The following CCM2L variants were observed in gnomAD, a reference collection of about 807,000 sequenced individuals.
CCM2L encodes the protein cerebral cavernous malformations 2 protein-like.
Under a neutral mutation model 54.1 loss-of-function variants are expected in CCM2L, and 36 were observed. The ratio of observed to expected loss-of-function variants is 0.67; its 90% confidence interval spans 0.51 to 0.88. The LOEUF (loss-of-function observed/expected upper bound fraction) is 0.88. Among genes scored for constraint, CCM2L ranks in the 40% least tolerant of loss-of-function variants. CCM2L has a pLI of 0.00. For synonymous variants in CCM2L, 351 were observed against 359.3 expected, an observed-to-expected ratio of 0.98 and a Z score of 0.26; for missense variants, 700 against 812.1, an observed-to-expected ratio of 0.86 and a Z score of 1.68.
chr20:32,027,433 A>G (rs1180738173), intron 7 of CCM2L, among the ~76,000 whole-genome samples: 1 of 152,242 alleles, frequency 6.6e-6, no homozygotes, highest in African/African-American at 2.4e-5. Flanking sequence ...TTATTTTTTC[A>G]TCAACATAGT....
intron 8 of CCM2L, 158 bp downstream of exon 8, chr20:32,029,282 T>C: frequency 1.0e-6 from 1 of 964,102 alleles, no homozygotes; most frequent in Non-Finnish European, 1.5e-6. Flanking sequence ...GGCCAGCTTG[T>C]GAAAGGCCTT....
At chr20:32,028,597 G>A in intron 7 of CCM2L, 1 of 214,864 alleles carries the variant, frequency 4.7e-6, no homozygotes, top group Non-Finnish European at 9.5e-6. Context: ...GCCATGGACT[G>A]AGGGAGCATG....
At position 32,011,271 on chromosome 20, in the gene CCM2L, G is replaced by A. The variant is rs142283242; in HGVS notation, c.30+787G>A. On this transcript the variant is annotated intron_variant, in intron 1 of 9. Coordinates refer to ENST00000452892, the MANE Select transcript of CCM2L (RefSeq NM_001365692.1). ...TTTATTGAGTGCCTATTATGCACCAGGTATTTCTTTTTTTAAAGCAATAAA... is the reference window on the plus strand; with the variant it reads ...TTTATTGAGTGCCTATTATGCACCAAGTATTTCTTTTTTTAAAGCAATAAA... 2.0e-5 allele frequency among the ~76,000 whole-genome samples: 3 copies of A among 152,268 alleles called. No homozygotes were observed. In the East Asian group the frequency reaches 5.8e-4, roughly 29 times the overall value.
chr20:32,021,586 G>T (rs1440819180), intron 5 of CCM2L, among the ~76,000 whole-genome samples: 1 of 152,124 alleles, frequency 6.6e-6, no homozygotes, highest in African/African-American at 2.4e-5. Flanking sequence ...AGCTCAGGAG[G>T]TTGAGGCTGC....
intron 7 of CCM2L, among the ~76,000 whole-genome samples, chr20:32,026,612 G>A (rs952024945): frequency 2.6e-5 from 4 of 152,104 alleles, no homozygotes; most frequent in African/African-American, 4.8e-5. Context: ...GCGGTGGCTC[G>A]CACCTGTAAT....
chr20:32,018,180 GGGGGCGGGGGA>G lies in CCM2L; in HGVS notation c.466+29_466+39del, dbSNP rs1404697174. Reference sequence around the variant, plus strand: ...CAAGACCGGTGCGGCGGGAGGGGGCGGGGGCGGGGGAGGGGCGGGGGCGGGGGCGGGGGAGG... The same window carrying G: ...CAAGACCGGTGCGGCGGGAGGGGGCGGGGGCGGGGGCGGGGGCGGGGGAGG... On this transcript the variant is annotated intron_variant, in intron 4 of 9. Transcript: ENST00000452892. 62 of 997,660 alleles carry G rather than the reference GGGGGCGGGGGA, an allele frequency of 6.2e-5. No homozygotes were observed. The African/African-American group carries it at 1.3e-3, about 20-fold the overall frequency. 61.8% of individuals were successfully genotyped at this position (997,660 alleles called of 1,614,324 possible).
rs1436669379 is a variant in CCM2L, at chr20:32,031,130, C to T, written c.1532C>T (p.Ser511Leu). 28 of 1,303,976 alleles carry T rather than the reference C, an allele frequency of 2.1e-5. No homozygotes were observed. The highest frequency in any genetic ancestry group is 2.7e-5 in the Non-Finnish European group (27 of 988,956). The allele number at this position is 1,303,976 out of a possible 1,614,324, so 80.8% of individuals were successfully genotyped here. Residue 511 changes from serine (S) to leucine (L), a missense_variant, in exon 10 of 10, where the codon TCG becomes TTG. Physicochemically the swap from Ser to Leu is moderately radical, Grantham distance 145. Transcript: ENST00000452892. ...GRIKRSMSST[S>L]ASAVRSYDGA... ...ATCAAGCGCAGCATGAGCTCCACGT[C>T]GGCCTCCGCAGTGCGCAGCTACGAT...
intron 2 of CCM2L, among the ~76,000 whole-genome samples, chr20:32,017,454 A>G (rs1009862196): frequency 2.0e-5 from 3 of 152,174 alleles, no homozygotes; most frequent in African/African-American, 7.2e-5. Flanking sequence ...TAGCTAGATG[A>G]CTATGTGTTA....
In CCM2L at chr20:32,025,877, G is replaced by A; in HGVS notation, c.1091G>A (p.Gly364Glu). ...CSRSESCHTD[G>E]TYAYDADFSC... ...CCAGGTGAGAGCTGCCACACAGATG[G>A]GACGTATGCCTATGATGCCGACTTC... The change falls in exon 7 of 10, where the codon GGG becomes GAG. Residue 364 changes from glycine to glutamate, a missense_variant. Gly to Glu is a moderately conservative substitution (Grantham distance 98, BLOSUM62 -2). Coordinates refer to ENST00000452892, the MANE Select transcript of CCM2L (RefSeq NM_001365692.1). The A allele has an allele frequency of 1.5e-6, 2 of 1,304,098 alleles. No individual in the cohort carries two copies. Among genetic ancestry groups the A allele is most frequent in the Non-Finnish European group, 2.0e-6 (2 of 988,948 alleles). 80.8% of individuals were successfully genotyped at this position (1,304,098 alleles called of 1,614,324 possible).
Position 32,015,067 on chromosome 20 carries a change from T to A in CCM2L, c.194T>A (p.Val65Asp). 1.3e-6 allele frequency: 2 copies of A among 1,510,240 alleles called. No homozygotes were observed. Among genetic ancestry groups the A allele is most frequent in the Non-Finnish European group, 1.8e-6 (2 of 1,132,372 alleles). 93.6% of individuals were successfully genotyped at this position (1,510,240 alleles called of 1,614,324 possible). ...CTGTGTGACTACCTGGAGAAAGAGG[T>A]CAAGGTGCGTGCAGGATGAGAAGGG... ...ILLCDYLEKE[V>D]KFLGHLTWVT... is the part of the protein sequence containing the mutation. Residue 65 changes from valine (V) to aspartate (D), a missense_variant, in exon 2 of 10, where the codon GTC becomes GAC. By Grantham distance (152) the Val-to-Asp change is radical. Transcript: ENST00000452892.
In CCM2L at chr20:32,019,133, C is replaced by G. The variant is rs775248451; in HGVS notation, c.657C>G (p.Gly219=). Residue 219 remains glycine, a synonymous_variant, in exon 5 of 10, where the codon GGC becomes GGG. Coordinates refer to ENST00000452892, the MANE Select transcript of CCM2L (RefSeq NM_001365692.1). ...GGAAEARAGG[G]GGGSLERQRA... ...CCGCGGAGGCCCGGGCCGGGGGAGG[C>G]GGCGGCGGCAGCTTGGAGCGCCAGC... 8.8e-7 allele frequency: 1 copy of G among 1,137,712 alleles called. No homozygotes were observed. Among genetic ancestry groups the G allele is most frequent in the Admixed American group, 4.8e-5 (1 of 20,954 alleles). The allele number at this position is 1,137,712 out of a possible 1,614,324, so 70.5% of individuals were successfully genotyped here.
chr20:32,015,154 G>A (rs1236460592), intron 2 of CCM2L, 83 bp downstream of exon 2: 29 of 1,328,124 alleles, frequency 2.2e-5, no homozygotes, highest in South Asian at 5.0e-5. Flanking sequence ...CTGATCAGCC[G>A]TATCTCACAC....
intron 5 of CCM2L, among the ~76,000 whole-genome samples, chr20:32,022,348 G>T (rs1555868348): frequency 6.6e-6 from 1 of 152,036 alleles, no homozygotes; most frequent in Non-Finnish European, 1.5e-5. Flanking sequence ...CTGGGCCTCC[G>T]TTTCCATATC....
At chr20:32,016,825 TCACCTAGAGGAATAGAA>T (rs2064745351) in intron 2 of CCM2L, among the ~76,000 whole-genome samples, 1 of 151,974 alleles carries the variant, frequency 6.6e-6, no homozygotes, top group South Asian at 2.1e-4. Flanking sequence ...ATTGGTGGAT[TCACCTAGAGGAATAGAA>T]CTAAAAATAA....
intron 5 of CCM2L, among the ~76,000 whole-genome samples, chr20:32,021,908 G>A (rs2122346850): frequency 6.6e-6 from 1 of 152,092 alleles, no homozygotes. Context: ...GCCTATCCTG[G>A]GTTACGTTTT....
chr20:32,031,356 G>A lies in CCM2L; in HGVS notation c.*42G>A, dbSNP rs952567166. On this transcript the variant is annotated 3_prime_UTR_variant, in exon 10 of 10. Coordinates refer to ENST00000452892, the MANE Select transcript of CCM2L (RefSeq NM_001365692.1). ...CGGCGTGGCTCAGCAGCCCACCTCTGAGTCTCAGCTTTGCTTCGGGGACCC... is the reference window on the plus strand; with the variant it reads ...CGGCGTGGCTCAGCAGCCCACCTCTAAGTCTCAGCTTTGCTTCGGGGACCC... The A allele has an allele frequency of 7.3e-5, 90 of 1,231,120 alleles. No homozygotes were observed. The highest frequency in any genetic ancestry group is 9.1e-5 in the Non-Finnish European group (88 of 962,532). The allele number at this position is 1,231,120 out of a possible 1,614,324, so 76.3% of individuals were successfully genotyped here. A position where few individuals can be genotyped will look rare whatever the true frequency, so the allele number is the denominator to read the frequency against.
In CCM2L at chr20:32,019,173, G is replaced by C; in HGVS notation, c.697G>C (p.Ala233Pro). ...SLERQRAGARASGSWERRQTF... is the reference protein window; with the variant it reads ...SLERQRAGARPSGSWERRQTF... ...GGAGCGCCAGCGCGCCGGGGCGCGG[G>C]CGTCGGGCAGCTGGGAGCGACGGCA... The change falls in exon 5 of 10, where the codon GCG (alanine) becomes CCG (proline). Residue 233 changes from alanine to proline, a missense_variant. By Grantham distance (27) the Ala-to-Pro change is conservative. Coordinates refer to ENST00000452892, the MANE Select transcript of CCM2L (RefSeq NM_001365692.1). 1 of 1,119,640 alleles carries C rather than the reference G, an allele frequency of 8.9e-7. No individual in the cohort carries two copies. Among genetic ancestry groups the C allele is most frequent in the Non-Finnish European group, 1.1e-6 (1 of 906,604 alleles). 69.4% of individuals were successfully genotyped at this position (1,119,640 alleles called of 1,614,324 possible). A position where few individuals can be genotyped will look rare whatever the true frequency, so the allele number is the denominator to read the frequency against.
At chr20:32,025,974 A>G (rs927072253) in intron 7 of CCM2L, 55 bp downstream of exon 7, 15 of 1,251,784 alleles carry the variant, frequency 1.2e-5, no homozygotes, top group Non-Finnish European at 1.6e-5. Flanking sequence ...CTGCACAAAC[A>G]GGGTGACTAG....
chr20:32,029,933 T>C, intron 9 of CCM2L, 95 bp downstream of exon 9: 1 of 1,355,614 alleles, frequency 7.4e-7, no homozygotes, highest in Non-Finnish European at 9.7e-7. Flanking sequence ...TTTCTCCTTA[T>C]CTTTCAGCCT....
Sources: allele counts gnomAD v4.1 joint callset (sites outside exome capture counted in the v4.1 genomes callset), GRCh38; gene constraint gnomAD v4.1.1; transcripts MANE v1.5; gene names NCBI Gene and HGNC (gene_info 2026-07-23, HGNC 2026-07-21).